PPP6C: variants seen among roughly 807,000 people sequenced by gnomAD.
PPP6C encodes the protein protein phosphatase 6 catalytic subunit, also known as serine/threonine-protein phosphatase 6 catalytic subunit.
A neutral mutation model predicts 39.8 loss-of-function variants in PPP6C; 11 were observed. The observed-to-expected ratio is 0.28, with a 90% CI of 0.17 to 0.46. The LOEUF (loss-of-function observed/expected upper bound fraction) is 0.46, where lower values mean the gene tolerates loss of function less well. PPP6C is among the 20% of genes least tolerant of loss of function. The pLI is 1.00. For missense variants in PPP6C, 211 were observed against 373.9 expected, an observed-to-expected ratio of 0.56 and a Z score of 3.59; for synonymous variants, 129 against 130.3, an observed-to-expected ratio of 0.99 and a Z score of 0.07.
chr9:125,155,848 T>C (rs1836056031), intron 4 of PPP6C, among the ~76,000 whole-genome samples: 1 of 141,382 alleles, frequency 7.1e-6, no homozygotes, highest in South Asian at 2.1e-4. Context: ...GAGCTTGCAG[T>C]GAGCGAAGAT....
At chr9:125,168,589 G>C (rs1009983086) in intron 2 of PPP6C, among the ~76,000 whole-genome samples, 10 of 152,020 alleles carry the variant, frequency 6.6e-5, no homozygotes, top group Admixed American at 2.0e-4. Flanking sequence ...CTCCTAAGGA[G>C]CTGGGATTAC....
chr9:125,172,885 C>T (rs1829206982), intron 1 of PPP6C, among the ~76,000 whole-genome samples: 3 of 152,126 alleles, frequency 2.0e-5, no homozygotes, highest in Admixed American at 2.0e-4. Context: ...TTGGTTGTGG[C>T]ATTACACTAT....
chr9:125,173,761 G>A (rs1353879104), intron 1 of PPP6C, among the ~76,000 whole-genome samples: 1 of 151,928 alleles, frequency 6.6e-6, no homozygotes, highest in Admixed American at 6.6e-5. Context: ...GGGATTACAG[G>A]CATGAGTCAT....
intron 2 of PPP6C, among the ~76,000 whole-genome samples, chr9:125,170,009 G>A (rs1564153383): frequency 6.6e-6 from 1 of 152,052 alleles, no homozygotes; most frequent in Non-Finnish European, 1.5e-5. Context: ...TTTAAAGCAG[G>A]GAAATTGCAC....
At chr9:125,173,014 C>T (rs1829209114) in intron 1 of PPP6C, among the ~76,000 whole-genome samples, 1 of 152,156 alleles carries the variant, frequency 6.6e-6, no homozygotes, top group Non-Finnish European at 1.5e-5. Flanking sequence ...CGGCGGCTCT[C>T]GCCTGTAATC....
chr9:125,156,775 CTT>C lies in PPP6C; in HGVS notation c.379+1464_379+1465del, dbSNP rs1173687097. 6.0e-5 allele frequency among the ~76,000 whole-genome samples: 9 copies of C among 149,840 alleles called. No individual in the cohort carries two copies. The South Asian group carries it at 1.5e-3, about 24-fold the overall frequency. ...TCTCTCTCTCTCTCTCTCTCTCTCT[CTT>C]TCAACCAAATAAAAGTTTTAAAGAA... On this transcript the variant is annotated intron_variant, in intron 4 of 6. Coordinates refer to ENST00000373547, the MANE Select transcript of PPP6C (RefSeq NM_002721.5).
At chr9:125,188,415 T>C (rs1324176520) in intron 1 of PPP6C, among the ~76,000 whole-genome samples, 2 of 151,828 alleles carry the variant, frequency 1.3e-5, no homozygotes, top group African/African-American at 4.8e-5. Flanking sequence ...GTCGGTTAAA[T>C]ACTAGCACGA....
chr9:125,151,448 A>T lies in PPP6C; in HGVS notation c.670-1527T>A. 3 of 807,220 alleles carry T rather than the reference A, an allele frequency of 3.7e-6. No individual in the cohort carries two copies. The South Asian group carries it at 4.1e-5, about 11-fold the overall frequency. The allele number at this position is 807,220 out of a possible 1,614,324, so 50.0% of individuals were successfully genotyped here. On this transcript the variant is annotated intron_variant, in intron 6 of 6. Coordinates refer to ENST00000373547, the MANE Select transcript of PPP6C (RefSeq NM_002721.5). ...CGCATGCTTTAAAGCAGTAGTAGTC[A>T]CCAATAACATACCCCAGGAGGACAA... is the stretch of plus-strand genomic sequence containing the variant.
In PPP6C at chr9:125,175,658, AAAAGAAATTACCTACACC is replaced by A. The variant is rs1299239582; in HGVS notation, c.76-4496_76-4479del. On this transcript the variant is annotated intron_variant, in intron 1 of 6. Coordinates refer to ENST00000373547, the MANE Select transcript of PPP6C (RefSeq NM_002721.5). ...ACTCCGTCTCAAAAAAAAAAAAAAA[AAAAGAAATTACCTACACC>A]AAATTTCTCACTTGACTTAGATAAT... 9.2e-5 allele frequency among the ~76,000 whole-genome samples: 14 copies of A among 151,908 alleles called. 1 individual carries two copies. In the South Asian group the frequency reaches 2.9e-3, roughly 31 times the overall value.
At chr9:125,166,995 G>A (rs376663705) in intron 2 of PPP6C, among the ~76,000 whole-genome samples, 2 of 152,238 alleles carry the variant, frequency 1.3e-5, no homozygotes, top group South Asian at 4.1e-4. Flanking sequence ...AAACTCCTGG[G>A]CTCAAGCAAT....
At chr9:125,181,618 GA>G (rs1313673534) in intron 1 of PPP6C, among the ~76,000 whole-genome samples, 1 of 152,162 alleles carries the variant, frequency 6.6e-6, no homozygotes, top group Non-Finnish European at 1.5e-5. Flanking sequence ...AGTTTGCTGA[GA>G]ATGATGGTTT....
chr9:125,173,532 C>G (rs1178551074), intron 1 of PPP6C, among the ~76,000 whole-genome samples: 2 of 151,290 alleles, frequency 1.3e-5, no homozygotes, highest in East Asian at 3.9e-4. Flanking sequence ...AAACCGAGGT[C>G]GCGCCACTGC....
chr9:125,179,413 G>A (rs1329579909), intron 1 of PPP6C, among the ~76,000 whole-genome samples: 2 of 151,964 alleles, frequency 1.3e-5, no homozygotes, highest in Non-Finnish European at 2.9e-5. Flanking sequence ...ATTTGTTTAG[G>A]TTTGGTTTGG....
intron 2 of PPP6C, among the ~76,000 whole-genome samples, chr9:125,169,320 G>A (rs1199482899): frequency 6.6e-6 from 1 of 152,170 alleles, no homozygotes; most frequent in Non-Finnish European, 1.5e-5. Flanking sequence ...CAAAACACAA[G>A]ATATATGTTA....
chr9:125,155,904 C>CAAAAAAAAAAAAAAAAAA (rs1231626756), intron 4 of PPP6C, among the ~76,000 whole-genome samples: 4 of 61,454 alleles, frequency 6.5e-5, no homozygotes, highest in African/African-American at 2.5e-4. Flanking sequence ...GACTCCGTCT[C>CAAAAAAAAAAAAAAAAAA]AAAAAAAAAA....
rs373348515 is a variant in PPP6C at position 125,153,884 on chromosome 9, G to A, written c.459+22C>T. ...GTGTTATTGGCAGGAACGTACATGA[G>A]ACTTTAAAAATAGAAACTTACAGCT... On this transcript the variant is annotated intron_variant, in intron 5 of 6. Transcript: ENST00000373547. 2.7e-4 allele frequency: 432 copies of A among 1,575,116 alleles called. 1 individual carries two copies. The highest frequency in any genetic ancestry group is 2.0e-3 in the South Asian group (176 of 89,558).
At chr9:125,187,417 G>A (rs1829553654) in intron 1 of PPP6C, among the ~76,000 whole-genome samples, 1 of 151,512 alleles carries the variant, frequency 6.6e-6, no homozygotes, top group Non-Finnish European at 1.5e-5. Context: ...TAAGTAAACT[G>A]GGATTACAGG....
intron 1 of PPP6C, among the ~76,000 whole-genome samples, chr9:125,179,231 A>G (rs1000721063): frequency 1.3e-5 from 2 of 152,006 alleles, no homozygotes; most frequent in Non-Finnish European, 2.9e-5. Context: ...AAAAAGAATT[A>G]TCTGCATATT....
At chr9:125,150,707 C>T (rs372031329) in intron 6 of PPP6C, 16 of 865,148 alleles carry the variant, frequency 1.8e-5, no homozygotes, top group African/African-American at 1.2e-4. Context: ...AGAAAACTGC[C>T]GATCGCCTGG....
Sources: allele counts gnomAD v4.1 joint callset (sites outside exome capture counted in the v4.1 genomes callset), GRCh38; gene constraint gnomAD v4.1.1; transcripts MANE v1.5; gene names NCBI Gene and HGNC (gene_info 2026-07-23, HGNC 2026-07-21).